The following PRKCA variants were observed in gnomAD, a reference collection of about 807,000 sequenced individuals.
PRKCA encodes the protein protein kinase C alpha type.
In PRKCA, 27 loss-of-function variants were observed where a neutral mutation model predicts 87.0. The observed-to-expected ratio is 0.31, with a 90% CI of 0.23 to 0.43. PRKCA has a LOEUF of 0.43. Ranked by LOEUF, PRKCA falls within the 20% of genes least tolerant of loss-of-function variation. The pLI is 1.00. For missense variants in PRKCA, 518 were observed against 852.3 expected, an observed-to-expected ratio of 0.61 and a Z score of 4.88; for synonymous variants, 329 against 311.1, an observed-to-expected ratio of 1.06 and a Z score of -0.61.
intron 2 of PRKCA, among the ~76,000 whole-genome samples, chr17:66,352,644 A>C (rs1243972602): frequency 2.3e-5 from 3 of 132,034 alleles, no homozygotes; most frequent in African/African-American, 8.2e-5. Context: ...GCTCACTGCA[A>C]CCTCCGTCTC....
At chr17:66,308,420 C>A (rs1357920953) in intron 2 of PRKCA, among the ~76,000 whole-genome samples, 1 of 151,884 alleles carries the variant, frequency 6.6e-6, no homozygotes, top group Non-Finnish European at 1.5e-5. Flanking sequence ...TGTGTTTTAG[C>A]CATTTGTGTT....
intron 2 of PRKCA, among the ~76,000 whole-genome samples, chr17:66,335,745 T>G (rs1159408662): frequency 6.6e-6 from 1 of 152,228 alleles, no homozygotes; most frequent in Non-Finnish European, 1.5e-5. Flanking sequence ...CATTTTATTT[T>G]TAGCCACTGT....
At chr17:66,457,721 G>A (rs777302030) in intron 2 of PRKCA, among the ~76,000 whole-genome samples, 34 of 152,114 alleles carry the variant, frequency 2.2e-4, no homozygotes, top group Non-Finnish European at 1.9e-4. Flanking sequence ...CTTGCTGCCA[G>A]CATGTGAAGA....
chr17:66,349,651 TAG>T (rs1189067377), intron 2 of PRKCA, among the ~76,000 whole-genome samples: 2 of 152,136 alleles, frequency 1.3e-5, no homozygotes, highest in African/African-American at 4.8e-5. Context: ...CCCGGGCCTT[TAG>T]TTGTCCAGGT....
intron 2 of PRKCA, among the ~76,000 whole-genome samples, chr17:66,478,659 TTAAG>T (rs1227928060): frequency 6.6e-6 from 1 of 152,208 alleles, no homozygotes; most frequent in Admixed American, 6.5e-5. Context: ...TTTTAGTTTC[TTAAG>T]TAATACATTA....
chr17:66,531,059 G>T (rs553304512), intron 3 of PRKCA, among the ~76,000 whole-genome samples: 15 of 152,104 alleles, frequency 9.9e-5, no homozygotes, highest in Non-Finnish European at 2.2e-4. Context: ...TTAGATTTTT[G>T]TTGGCAATTA....
chr17:66,736,122 T>C (rs1974019809), intron 10 of PRKCA, among the ~76,000 whole-genome samples: 1 of 151,584 alleles, frequency 6.6e-6, no homozygotes, highest in South Asian at 2.1e-4. Context: ...GCTCAAACGA[T>C]CCCCCTACGT....
chr17:66,753,876 G>A (rs1053974069), intron 13 of PRKCA, among the ~76,000 whole-genome samples: 4 of 152,098 alleles, frequency 2.6e-5, no homozygotes, highest in African/African-American at 9.7e-5. Flanking sequence ...CCTTCATCCT[G>A]GACTTCCAGC....
intron 2 of PRKCA, among the ~76,000 whole-genome samples, chr17:66,450,805 T>G (rs1230765923): frequency 6.6e-6 from 1 of 152,258 alleles, no homozygotes; most frequent in Admixed American, 6.5e-5. Context: ...CTAGTACATT[T>G]GTCTTCATAA....
At chr17:66,680,000 A>G (rs1347904369) in intron 5 of PRKCA, among the ~76,000 whole-genome samples, 1 of 152,208 alleles carries the variant, frequency 6.6e-6, no homozygotes, top group Non-Finnish European at 1.5e-5. Flanking sequence ...TCTAATAATT[A>G]TCAAAATAAT....
chr17:66,560,356 C>T (rs917217413), intron 3 of PRKCA, among the ~76,000 whole-genome samples: 4 of 152,100 alleles, frequency 2.6e-5, no homozygotes, highest in Non-Finnish European at 5.9e-5. Flanking sequence ...AAATCAAAGC[C>T]ATTTCTATGA....
chr17:66,353,404 C>G (rs368523924), intron 2 of PRKCA, among the ~76,000 whole-genome samples: 15 of 152,246 alleles, frequency 9.9e-5, no homozygotes, highest in African/African-American at 3.4e-4. Flanking sequence ...TTTGCTTTCC[C>G]TTCCGACTTC....
chr17:66,691,185 G>T (rs150170893), intron 8 of PRKCA, among the ~76,000 whole-genome samples: 1 of 152,068 alleles, frequency 6.6e-6, no homozygotes, highest in South Asian at 2.1e-4. Flanking sequence ...GGTCAAATAT[G>T]CATCTATTGC....
chr17:66,371,716 G>A (rs542376237), intron 2 of PRKCA, among the ~76,000 whole-genome samples: 7 of 152,310 alleles, frequency 4.6e-5, no homozygotes, highest in Non-Finnish European at 8.8e-5. Flanking sequence ...TAATATATAT[G>A]TTGCTTTTTA....
intron 3 of PRKCA, among the ~76,000 whole-genome samples, chr17:66,640,474 T>C (rs1204904455): frequency 6.6e-6 from 1 of 152,236 alleles, no homozygotes; most frequent in East Asian, 1.9e-4. Flanking sequence ...TCAGTGCCTT[T>C]ACGATTTTCA....
intron 2 of PRKCA, among the ~76,000 whole-genome samples, chr17:66,334,272 C>CA (rs1299832050): frequency 6.6e-6 from 1 of 151,542 alleles, no homozygotes; most frequent in Non-Finnish European, 1.5e-5. Flanking sequence ...AACAAAACAC[C>CA]AAAAAAACTG....
chr17:66,606,665 A>G (rs923430810), intron 3 of PRKCA, among the ~76,000 whole-genome samples: 6 of 152,196 alleles, frequency 3.9e-5, no homozygotes, highest in Admixed American at 2.0e-4. Context: ...ATGATTATCA[A>G]TTGCTGGGAA....
intron 8 of PRKCA, among the ~76,000 whole-genome samples, chr17:66,712,536 G>A (rs1462908268): frequency 2.0e-5 from 3 of 152,134 alleles, no homozygotes; most frequent in Admixed American, 2.0e-4. Flanking sequence ...AAAGAGTTAG[G>A]GTGAGGCTTT....
At chr17:66,424,568 AACACACACAC>A (rs141074503) in intron 2 of PRKCA, among the ~76,000 whole-genome samples, 4 of 142,058 alleles carry the variant, frequency 2.8e-5, no homozygotes, top group Admixed American at 1.4e-4. Context: ...CCCTGTCTCA[AACACACACAC>A]ACACACACAC....
Sources: allele counts gnomAD v4.1 joint callset (sites outside exome capture counted in the v4.1 genomes callset), GRCh38; gene constraint gnomAD v4.1.1; transcripts MANE v1.5; gene names NCBI Gene and HGNC (gene_info 2026-07-23, HGNC 2026-07-21).